PTCH1: variants seen among roughly 807,000 people sequenced by gnomAD.
The protein encoded by PTCH1 is patched 1.
PTCH1 carries 14 observed loss-of-function variants against 144.6 expected under a neutral mutation model. The observed-to-expected ratio is 0.10, with a 90% CI of 0.06 to 0.15. PTCH1 has a LOEUF of 0.15. Among genes scored for constraint, PTCH1 ranks in the 10% least tolerant of loss-of-function variants. The pLI, the probability that PTCH1 is intolerant of heterozygous loss-of-function variation, is 1.00. For synonymous variants in PTCH1, 833 were observed against 793.6 expected, an observed-to-expected ratio of 1.05 and a Z score of -0.83; for missense variants, 1,623 against 1,948.3, an observed-to-expected ratio of 0.83 and a Z score of 3.14.
chr9:95,456,562 TG>T, intron 18 of PTCH1, 149 bp from the exon 19 acceptor site: 1 of 1,132,090 alleles, frequency 8.8e-7, no homozygotes, highest in South Asian at 1.5e-5. Context: ...CTGCCTTTAC[TG>T]CCTAATTCAT....
chr9:95,476,728 C>A lies in PTCH1; in HGVS notation c.1602+31G>T. ...AGGAACAGAGGAAGCTGTGATGTCC[C>A]CAAAGCTCTCTTCTTTTGTTTTTGC... On this transcript the variant is annotated intron_variant, in intron 11 of 23. Coordinates refer to ENST00000331920, the MANE Select transcript of PTCH1 (RefSeq NM_000264.5). This position sits in a 1 kb window ranked among gnomAD's most constrained non-coding sequence, Gnocchi z 4.6. 1 of 1,583,972 alleles carries A rather than the reference C, an allele frequency of 6.3e-7. No homozygotes were observed. The highest frequency in any genetic ancestry group is 2.3e-5 in the East Asian group (1 of 44,178).
upstream of PTCH1, among the ~76,000 whole-genome samples, chr9:95,510,748 AGAAAG>A (rs1167035396): frequency 1.3e-5 from 2 of 149,458 alleles, no homozygotes; most frequent in South Asian, 2.1e-4. Flanking sequence ...AAAAGAAGAA[AGAAAG>A]GAAAGGAAAG....
chr9:95,460,598 A>G (rs1045042902), intron 16 of PTCH1, among the ~76,000 whole-genome samples: 2 of 152,220 alleles, frequency 1.3e-5, no homozygotes, highest in African/African-American at 4.8e-5. Context: ...GTGAAGGAAG[A>G]AGGAGCAGGG....
chr9:95,475,449 C>T (rs1588594551), intron 12 of PTCH1, among the ~76,000 whole-genome samples: 2 of 152,070 alleles, frequency 1.3e-5, no homozygotes, highest in Non-Finnish European at 2.9e-5. Context: ...TTGTGGCGGC[C>T]AACTTAGGAA....
chr9:95,448,236 G>A (rs1028121025), intron 22 of PTCH1, among the ~76,000 whole-genome samples: 107 of 152,196 alleles, frequency 7.0e-4, no homozygotes, highest in Non-Finnish European at 6.3e-4. Context: ...GCGTCGTCGC[G>A]GGGGGTAGGA....
intron 23 of PTCH1, 87 bp from the exon 24 acceptor site, chr9:95,446,478 C>T (rs1371492333): frequency 2.0e-6 from 1 of 496,944 alleles, no homozygotes; most frequent in African/African-American, 1.9e-5. Context: ...GCAGCAGTAA[C>T]CTTGGTATTA....
At position 95,458,268 on chromosome 9, in the gene PTCH1, A is replaced by G. The variant is rs2229062; in HGVS notation, c.2913T>C (p.Tyr971=). The change falls in exon 18 of 24, where the codon TAT becomes TAC. Residue 971 remains tyrosine, a synonymous_variant. Transcript: ENST00000331920. This position sits in a 1 kb window ranked among gnomAD's most constrained non-coding sequence, Gnocchi z 4.7. ...CGTTGAGGTAGAAAGGGAACTGGGCATACTCGATGGGCTCTGCTGCCGGGA... is the reference window on the plus strand; with the variant it reads ...CGTTGAGGTAGAAAGGGAACTGGGCGTACTCGATGGGCTCTGCTGCCGGGA... ...LRIPAAEPIE[Y]AQFPFYLNGL... 943 of 1,614,054 alleles carry G rather than the reference A, an allele frequency of 5.8e-4. 11 individuals carry two copies. The East Asian group carries it at 0.019, about 32-fold the overall frequency.
At chr9:95,502,759 C>T (rs1843239653) in intron 2 of PTCH1, among the ~76,000 whole-genome samples, 1 of 152,116 alleles carries the variant, frequency 6.6e-6, no homozygotes, top group African/African-American at 2.4e-5. Context: ...TCTCATCTAG[C>T]ATATATTAGT....
intron 1 of PTCH1, chr9:95,507,107 G>C (rs547842800): frequency 3.0e-6 from 3 of 984,906 alleles, no homozygotes; most frequent in Non-Finnish European, 3.6e-6. Flanking sequence ...GCCGAGAATG[G>C]TAGTAAGTGG....
rs1837862993 is a variant in PTCH1, at chr9:95,446,186, T to C, written c.*207A>G. The C allele has an allele frequency of 2.9e-6, 1 of 350,288 alleles. No homozygotes were observed. The highest frequency in any genetic ancestry group is 3.6e-5 in the Admixed American group (1 of 27,860). The allele number at this position is 350,288 out of a possible 1,614,324, so 21.7% of individuals were successfully genotyped here. ...GATCATACCACTTTACATCCTTCCT[T>C]CCTATATTACACATGTGTACATCTC... On this transcript the variant is annotated 3_prime_UTR_variant, in exon 24 of 24. Transcript: ENST00000331920.
chr9:95,446,277 C>G lies in PTCH1; in HGVS notation c.*116G>C, dbSNP rs1837870828. On this transcript the variant is annotated 3_prime_UTR_variant, in exon 24 of 24. Transcript: ENST00000331920. Reference sequence around the variant, plus strand: ...GTTACAGTAACAATGAACTGCTGTCCTGGCACAGGGCATCTTTTCCATAAC... The same window carrying G: ...GTTACAGTAACAATGAACTGCTGTCGTGGCACAGGGCATCTTTTCCATAAC... 2.1e-6 allele frequency: 1 copy of G among 478,760 alleles called. No individual in the cohort carries two copies. The highest frequency in any genetic ancestry group is 1.5e-5 in the South Asian group (1 of 66,508). The allele number at this position is 478,760 out of a possible 1,614,324, so 29.7% of individuals were successfully genotyped here. A position where few individuals can be genotyped will look rare whatever the true frequency, so the allele number is the denominator to read the frequency against.
chr9:95,456,743 A>G (rs1793839890), intron 18 of PTCH1, among the ~76,000 whole-genome samples: 1 of 152,150 alleles, frequency 6.6e-6, no homozygotes, highest in Admixed American at 6.5e-5. Context: ...GCATGGCCGC[A>G]TCACTTAGCT....
chr9:95,462,082 G>C (rs1839531520), intron 15 of PTCH1, 84 bp from the exon 16 acceptor site: 5 of 1,501,482 alleles, frequency 3.3e-6, no homozygotes, highest in Non-Finnish European at 4.6e-6. Context: ...AGGAGACTGA[G>C]CAGGGCAGGG....
chr9:95,509,776 C>G (rs2118923582), upstream of PTCH1, among the ~76,000 whole-genome samples: 1 of 152,276 alleles, frequency 6.6e-6, no homozygotes, highest in Non-Finnish European at 1.5e-5. Context: ...ATTCCCAGGC[C>G]TGCACCAATA....
chr9:95,506,011 A>G (rs1188765289), intron 2 of PTCH1, among the ~76,000 whole-genome samples: 1 of 145,858 alleles, frequency 6.9e-6, no homozygotes, highest in Non-Finnish European at 1.5e-5. Flanking sequence ...GGGGTGGGGG[A>G]GAGAAGAAAG....
At position 95,507,905 on chromosome 9, in the gene PTCH1, T is replaced by TACACAC. The variant is rs139956254; in HGVS notation, c.201+250_201+255dup. 2,626 of 1,285,286 alleles carry TACACAC rather than the reference T, an allele frequency of 2.0e-3. 7 individuals carry two copies. Among genetic ancestry groups the TACACAC allele is most frequent in the African/African-American group, 0.01 (667 of 64,636 alleles). The allele number at this position is 1,285,286 out of a possible 1,614,324, so 79.6% of individuals were successfully genotyped here. On this transcript the variant is annotated intron_variant, in intron 1 of 23. Coordinates refer to ENST00000331920, the MANE Select transcript of PTCH1 (RefSeq NM_000264.5). The stretch of plus-strand genomic sequence containing the variant: ...AGGCACACCAGGGAGGGCGTGTGTA[T>TACACAC]ACACACACACACACGCACACACACA...
In PTCH1 at chr9:95,459,771, G is replaced by A. The variant is rs1588545099; in HGVS notation, c.2716C>T (p.Arg906Cys). 1 of 1,614,148 alleles carries A rather than the reference G, an allele frequency of 6.2e-7. No homozygotes were observed. The highest frequency in any genetic ancestry group is 8.5e-7 in the Non-Finnish European group (1 of 1,180,040). Residue 906 changes from arginine (R) to cysteine (C), a missense_variant, in exon 17 of 24, where the codon CGT becomes TGT. Physicochemically the swap from Arg to Cys is radical, Grantham distance 180. This residue lies in a region of PTCH1 where 504 missense variants were observed against 679.3 expected (regional missense o/e 0.74). Transcript: ENST00000331920. ...ATGATGCCATCTGCATCCACCAGAC[G>A]CTGTTTAGTCAACTACAAAAACGGG... The part of the protein sequence containing the change: ...PIDISQLTKQ[R>C]LVDADGIINP...
intron 12 of PTCH1, among the ~76,000 whole-genome samples, chr9:95,474,962 A>G (rs1372291452): frequency 6.6e-6 from 1 of 152,190 alleles, no homozygotes; most frequent in Admixed American, 6.5e-5. Flanking sequence ...ATTAGACATC[A>G]TATCATCACA....
At chr9:95,513,443 C>T (rs1406653181), upstream of PTCH1, among the ~76,000 whole-genome samples, 1 of 152,028 alleles carries the variant, frequency 6.6e-6, no homozygotes, top group Non-Finnish European at 1.5e-5. Flanking sequence ...TTGAGAGGGT[C>T]GGATGGAGAG....
Sources: allele counts gnomAD v4.1 joint callset (sites outside exome capture counted in the v4.1 genomes callset), GRCh38; gene constraint gnomAD v4.1.1; regional missense constraint gnomAD v4.1.1; non-coding constraint Gnocchi (gnomAD v3.1); transcripts MANE v1.5; gene names NCBI Gene and HGNC (gene_info 2026-07-23, HGNC 2026-07-21).